PREX1: variants seen among roughly 807,000 people sequenced by gnomAD.
PREX1 encodes phosphatidylinositol 3,4,5-trisphosphate-dependent Rac exchanger 1 protein.
A neutral mutation model predicts 198.3 loss-of-function variants in PREX1; 41 were observed. That is an observed-to-expected ratio of 0.21 (90% confidence interval 0.16 to 0.27). The LOEUF is 0.27. PREX1 is among the 10% of genes least tolerant of loss of function. The pLI is 1.00. For synonymous variants in PREX1, 843 were observed against 887.2 expected (o/e 0.95, Z 0.89); for missense variants, 1,620 against 2,200.7 (o/e 0.74, Z 5.28).
the PREX1 span, among the ~76,000 whole-genome samples, chr20:48,855,133 A>G: frequency 1.8e-3 from 276 of 152,262 alleles, 3 homozygotes; most frequent in African/African-American, 5.8e-3. Context: ...ATAGCTAGAA[A>G]ACCCCTAATC....
At position 48,626,018 on chromosome 20, in the gene PREX1, T is replaced by C. The variant is rs556687836; in HGVS notation, c.4938-91A>G. On this transcript the variant is annotated intron_variant, in intron 39 of 39. Coordinates refer to ENST00000371941, the MANE Select transcript of PREX1 (RefSeq NM_020820.4). The stretch of plus-strand genomic sequence containing the variant: ...CATTTTTACCTGAACATGTAATTCA[T>C]GCCCAGAAACCCAAACTCACAGGTA... The C allele has an allele frequency of 3.8e-5, 52 of 1,352,112 alleles. 1 individual carries two copies. Among genetic ancestry groups the C allele is most frequent in the Non-Finnish European group, 4.8e-5 (49 of 1,011,696 alleles). 83.8% of individuals were successfully genotyped at this position (1,352,112 alleles called of 1,614,324 possible).
chr20:48,684,020 G>C lies in PREX1; in HGVS notation c.1335-2685C>G, dbSNP rs905116053. On this transcript the variant is annotated intron_variant, in intron 10 of 39. Transcript: ENST00000371941. This position sits in a 1 kb window ranked among gnomAD's most constrained non-coding sequence, Gnocchi z 4.2. ...AAAGACACAGCTCAGGACAGTGTGAGGAGAGCTGGAGATACAAGGAGAAGG... is the reference window on the plus strand; with the variant it reads ...AAAGACACAGCTCAGGACAGTGTGACGAGAGCTGGAGATACAAGGAGAAGG... 6.6e-6 allele frequency among the ~76,000 whole-genome samples: 1 copy of C among 152,120 alleles called. No homozygotes were observed. The highest frequency in any genetic ancestry group is 1.5e-5 in the Non-Finnish European group (1 of 68,030).
At chr20:48,771,697 CGGA>C (rs1239995797) in intron 1 of PREX1, among the ~76,000 whole-genome samples, 1 of 152,130 alleles carries the variant, frequency 6.6e-6, no homozygotes, top group Non-Finnish European at 1.5e-5. Flanking sequence ...CATCACCATG[CGGA>C]GGAGGAACCC....
intron 5 of PREX1, 142 bp from the exon 6 acceptor site, chr20:48,708,563 G>A (rs949182056): frequency 2.2e-6 from 2 of 907,320 alleles, no homozygotes; most frequent in African/African-American, 3.3e-5. Flanking sequence ...ATGAGCCAAA[G>A]CAAAGAAAAC....
At chr20:48,864,588 T>A in the PREX1 span, among the ~76,000 whole-genome samples, 1 of 152,182 alleles carries the variant, frequency 6.6e-6, no homozygotes, top group East Asian at 1.9e-4. Context: ...GTCACATCGC[T>A]CATCGAAGTC....
At chr20:48,792,130 C>G (rs2090341544) in intron 1 of PREX1, among the ~76,000 whole-genome samples, 1 of 152,184 alleles carries the variant, frequency 6.6e-6, no homozygotes. Context: ...TTAAATAGCA[C>G]TGCTGTCTCC....
chr20:48,747,979 T>C (rs576666102), intron 1 of PREX1, 99 bp from the exon 2 acceptor site: 3 of 1,106,044 alleles, frequency 2.7e-6, no homozygotes, highest in Non-Finnish European at 4.0e-6. Context: ...AACTAGGATC[T>C]GGGAGGTACC....
chr20:48,629,027 C>T (rs1024908657), intron 37 of PREX1, among the ~76,000 whole-genome samples: 3 of 152,072 alleles, frequency 2.0e-5, no homozygotes, highest in Admixed American at 1.3e-4. Flanking sequence ...CAGTTTGTAA[C>T]GGAAGGTCAG....
chr20:48,785,084 C>T lies in PREX1; in HGVS notation c.220-37204G>A, dbSNP rs925141040. ...ACCTGCCACCACACCCACCTAATTT[C>T]TGTATATTTAGTAGAGATGGGGTTT... On this transcript the variant is annotated intron_variant, in intron 1 of 39. Transcript: ENST00000371941. Among the ~76,000 whole-genome samples, 44 of 152,030 alleles carry T rather than the reference C, an allele frequency of 2.9e-4. 1 individual carries two copies. The highest frequency in any genetic ancestry group is 2.4e-3 in the Admixed American group (37 of 15,276).
intron 37 of PREX1, 43 bp from the exon 38 acceptor site, chr20:48,628,006 C>G: frequency 8.3e-7 from 1 of 1,202,956 alleles, no homozygotes; most frequent in South Asian, 1.3e-5. Flanking sequence ...GGTGGGGGGA[C>G]AGGGGTCGGG....
At chr20:48,819,684 A>G (rs1026538598) in intron 1 of PREX1, among the ~76,000 whole-genome samples, 3 of 152,238 alleles carry the variant, frequency 2.0e-5, no homozygotes, top group African/African-American at 7.2e-5. Flanking sequence ...GCAAGGCCTC[A>G]GTGGGTGTCC....
intron 5 of PREX1, 64 bp from the exon 6 acceptor site, chr20:48,708,485 C>A: frequency 6.4e-7 from 1 of 1,553,044 alleles, no homozygotes; most frequent in Non-Finnish European, 8.8e-7. Flanking sequence ...GAGACCCAGG[C>A]CAGAGCTGAA....
chr20:48,670,035 T>G (rs1014142485), intron 14 of PREX1, among the ~76,000 whole-genome samples: 1 of 152,078 alleles, frequency 6.6e-6, no homozygotes, highest in African/African-American at 2.4e-5. Flanking sequence ...AGACAATCAC[T>G]CTTATTAACC....
At chr20:48,882,525 A>AAGAG in the PREX1 span, among the ~76,000 whole-genome samples, 2 of 97,814 alleles carry the variant, frequency 2.0e-5, no homozygotes, top group South Asian at 3.6e-4. Context: ...AAAAAAAAAA[A>AAGAG]AGAGAGAATC....
At chr20:48,875,137 G>A in the PREX1 span, among the ~76,000 whole-genome samples, 3 of 152,314 alleles carry the variant, frequency 2.0e-5, no homozygotes, top group South Asian at 6.2e-4. Flanking sequence ...ACAGTCTTCA[G>A]CAGCATCCGG....
the PREX1 span, among the ~76,000 whole-genome samples, chr20:48,841,400 A>G: frequency 3.9e-5 from 6 of 152,234 alleles, no homozygotes; most frequent in Non-Finnish European, 7.3e-5. Context: ...CTGTGTTCCA[A>G]TAAAACTTTA....
chr20:48,710,769 G>T (rs2089926808), intron 5 of PREX1, among the ~76,000 whole-genome samples: 2 of 152,258 alleles, frequency 1.3e-5, no homozygotes, highest in Admixed American at 6.5e-5. Flanking sequence ...AAGCTTGAAT[G>T]AGGTGAGGCC....
At chr20:48,871,666 A>C in the PREX1 span, among the ~76,000 whole-genome samples, 1 of 81,368 alleles carries the variant, frequency 1.2e-5, no homozygotes, top group Non-Finnish European at 2.4e-5. Context: ...TCCTGGCTCA[A>C]CCTCCTGCAA....
chr20:48,642,059 C>T (rs1053354562), intron 29 of PREX1, 109 bp downstream of exon 29: 1 of 1,140,876 alleles, frequency 8.8e-7, no homozygotes, highest in African/African-American at 1.5e-5. Context: ...GATGATCCTA[C>T]AGTCGTTCAG....
Sources: allele counts gnomAD v4.1 joint callset (sites outside exome capture counted in the v4.1 genomes callset), GRCh38; gene constraint gnomAD v4.1.1; non-coding constraint Gnocchi (gnomAD v3.1); transcripts MANE v1.5; gene names NCBI Gene and HGNC (gene_info 2026-07-23, HGNC 2026-07-21).